The following MTMR10 variants were observed in gnomAD, a reference collection of about 807,000 sequenced individuals.
MTMR10 encodes the protein myotubularin-related protein 10.
Under a neutral mutation model 88.1 loss-of-function variants are expected in MTMR10, and 56 were observed. The observed-to-expected ratio is 0.64, with a 90% CI of 0.51 to 0.79. The LOEUF (loss-of-function observed/expected upper bound fraction) is 0.79. MTMR10 is among the 30% of genes least tolerant of loss of function. The pLI, the probability that MTMR10 is intolerant of heterozygous loss-of-function variation, is 0.00. For synonymous variants in MTMR10, 380 were observed against 340.9 expected (o/e 1.11, Z -1.26); for missense variants, 883 against 924.7 (o/e 0.95, Z 0.58).
chr15:30,990,615 G>C (rs2031250378), intron 2 of MTMR10, among the ~76,000 whole-genome samples, 162 bp downstream of exon 2: 1 of 152,178 alleles, frequency 6.6e-6, no homozygotes, highest in African/African-American at 2.4e-5. Flanking sequence ...ATGAGGTAAT[G>C]ACATTCTTGA....
In MTMR10 at chr15:30,980,903, T is replaced by A. The variant is rs545248402; in HGVS notation, c.122-3948A>T. 1.8e-3 allele frequency among the ~76,000 whole-genome samples: 272 copies of A among 152,318 alleles called. 2 individuals carry two copies. The highest frequency in any genetic ancestry group is 6.2e-3 in the African/African-American group (257 of 41,540). ...AAGTATCTGTGAATCCATACTGTTG[T>A]CAACAGATGACTGAATAATAAATAA... On this transcript the variant is annotated intron_variant, in intron 2 of 15. Transcript: ENST00000435680.
chr15:30,937,068 CT>C (rs1274258068), downstream of MTMR10: 1 of 1,501,882 alleles, frequency 6.7e-7, no homozygotes, highest in African/African-American at 1.4e-5. Flanking sequence ...ACTTGAATGG[CT>C]TTTCATTCAG....
rs1180931471 is a variant in MTMR10, at chr15:30,974,451, C to T, written c.337G>A (p.Asp113Asn). The T allele has an allele frequency of 6.6e-6, 10 of 1,506,616 alleles. No individual in the cohort carries two copies. Among genetic ancestry groups the T allele is most frequent in the African/African-American group, 1.4e-5 (1 of 70,534 alleles). 93.3% of individuals were successfully genotyped at this position (1,506,616 alleles called of 1,614,324 possible). A position where few individuals can be genotyped will look rare whatever the true frequency, so the allele number is the denominator to read the frequency against. The change falls in exon 5 of 16, where the codon GAC (aspartate) becomes AAC (asparagine). Residue 113 changes from aspartate to asparagine, a missense_variant. Asp to Asn is a conservative substitution (Grantham distance 23, BLOSUM62 1). Around this residue, in one of 3 missense-constraint regions of MTMR10, gnomAD observed 414 missense variants for 423.2 expected, o/e 0.98. Coordinates refer to ENST00000435680, the MANE Select transcript of MTMR10 (RefSeq NM_017762.3). Reference sequence around the variant, plus strand: ...AGGACTTTCTGCTTCCTCTTGTGGTCGTTTACTAAAAAAGAAAAAAAAATA... The same window carrying T: ...AGGACTTTCTGCTTCCTCTTGTGGTTGTTTACTAAAAAAGAAAAAAAAATA... Reference protein sequence around the residue: ...TCIEQIVTVNDHKRKQKVLGP... With the variant: ...TCIEQIVTVNNHKRKQKVLGP...
In MTMR10 at chr15:30,974,465, GA is replaced by G. The variant is rs768107913; in HGVS notation, c.332-10del. ...CCTCTTGTGGTCGTTTACTAAAAAA[GA>G]AAAAAAAATAGAGAAAATAAAATGC... On this transcript the variant is annotated splice_polypyrimidine_tract_variant and intron_variant, in intron 4 of 15. Transcript: ENST00000435680. 187 of 1,463,708 alleles carry G rather than the reference GA, an allele frequency of 1.3e-4. No homozygotes were observed. Among genetic ancestry groups the G allele is most frequent in the South Asian group, 4.4e-4 (30 of 67,496 alleles). 90.7% of individuals were successfully genotyped at this position (1,463,708 alleles called of 1,614,324 possible).
At position 30,941,552 on chromosome 15, in the gene MTMR10, C is replaced by T; in HGVS notation, c.2252G>A (p.Ser751Asn). The part of the protein sequence containing the change: ...FSPVGNLCRR[S>N]ILGTPLSKFL... ...TTTGCTTAATGGTGTTCCTAAAATG[C>T]TTCGTCTGCACAGATTCCCTACAGG... Residue 751 changes from serine (S) to asparagine (N), a missense_variant, in exon 16 of 16, where the codon AGC (serine) becomes AAC (asparagine). By Grantham distance (46) the Ser-to-Asn change is conservative. Coordinates refer to ENST00000435680, the MANE Select transcript of MTMR10 (RefSeq NM_017762.3). 1 of 1,604,790 alleles carries T rather than the reference C, an allele frequency of 6.2e-7. No homozygotes were observed.
the MTMR10 span, chr15:30,928,415 C>T: frequency 6.7e-7 from 1 of 1,487,788 alleles, no homozygotes; most frequent in Non-Finnish European, 8.9e-7. Flanking sequence ...ACAGCATTTG[C>T]TTCTGAATCT....
At position 30,940,261 on chromosome 15, in the gene MTMR10, A is replaced by T. The variant is rs1395751332; in HGVS notation, c.*1209T>A. ...CTACAGTGGTAGGTAGGCTCTTGTC[A>T]CACAGTTTGGAAATACTTTACTTTA... is the stretch of plus-strand genomic sequence containing the variant. On this transcript the variant is annotated 3_prime_UTR_variant, in exon 16 of 16. Transcript: ENST00000435680. The T allele has an allele frequency of 1.4e-5, 14 of 977,842 alleles. No homozygotes were observed. Among genetic ancestry groups the T allele is most frequent in the Non-Finnish European group, 1.7e-5 (14 of 825,878 alleles). 60.6% of individuals were successfully genotyped at this position (977,842 alleles called of 1,614,324 possible).
At chr15:30,947,371 T>C in intron 13 of MTMR10, 71 bp from the exon 14 acceptor site, 1 of 1,498,990 alleles carries the variant, frequency 6.7e-7, no homozygotes, top group Non-Finnish European at 9.0e-7. Flanking sequence ...CTTCAAAATG[T>C]ACTGCTGATG....
Position 30,940,957 on chromosome 15 carries a change from T to C in MTMR10, c.*513A>G. The C allele has an allele frequency of 2.1e-5, 23 of 1,094,718 alleles. No homozygotes were observed. Among genetic ancestry groups the C allele is most frequent in the Non-Finnish European group, 2.5e-5 (22 of 893,676 alleles). 67.8% of individuals were successfully genotyped at this position (1,094,718 alleles called of 1,614,324 possible). On this transcript the variant is annotated 3_prime_UTR_variant, in exon 16 of 16. Coordinates refer to ENST00000435680, the MANE Select transcript of MTMR10 (RefSeq NM_017762.3). ...ATCTAAGGTTCCAAAGAAGGTGATC[T>C]AAAATCATAAATTCTGGCCCCAGAA...
At position 30,963,879 on chromosome 15, in the gene MTMR10, AC is replaced by A. The variant is rs1393050278; in HGVS notation, c.566-2807del. ...CTATACAGTGTTCCAGTGCACCAAAACAAAGAAAGCTATTCAATATTAGAAA... is the reference window on the plus strand; with the variant it reads ...CTATACAGTGTTCCAGTGCACCAAAAAAAGAAAGCTATTCAATATTAGAAA... On this transcript the variant is annotated intron_variant, in intron 6 of 15. Coordinates refer to ENST00000435680, the MANE Select transcript of MTMR10 (RefSeq NM_017762.3). Among the ~76,000 whole-genome samples, 4 of 152,296 alleles carry A rather than the reference AC, an allele frequency of 2.6e-5. No homozygotes were observed. The East Asian group carries it at 5.8e-4, about 22-fold the overall frequency.
At chr15:30,990,881 C>G in intron 1 of MTMR10, 44 bp from the exon 2 acceptor site, 1 of 1,499,126 alleles carries the variant, frequency 6.7e-7, no homozygotes, top group Non-Finnish European at 9.1e-7. Context: ...AATCCCCCCA[C>G]CCTCCGTAAA....
chr15:30,936,675 T>C (rs1417082488), downstream of MTMR10, among the ~76,000 whole-genome samples: 1 of 152,218 alleles, frequency 6.6e-6, no homozygotes, highest in East Asian at 1.9e-4. Flanking sequence ...TGAAAATGCA[T>C]TTAACATATT....
rs1341566612 is a variant in MTMR10 at position 30,948,329 on chromosome 15, G to T, written c.1350C>A (p.Cys450Ter). 1 of 1,613,512 alleles carries T rather than the reference G, an allele frequency of 6.2e-7. No homozygotes were observed. The highest frequency in any genetic ancestry group is 8.5e-7 in the Non-Finnish European group (1 of 1,179,790). The change falls in exon 13 of 16, where the codon TGC (cysteine) becomes TGA (stop). Residue 450 changes from cysteine to a stop codon, truncating the protein, a stop_gained. Coordinates refer to ENST00000435680, the MANE Select transcript of MTMR10 (RefSeq NM_017762.3). LOFTEE classifies it high-confidence loss of function. ...CTTTCTCTGATCTCTTTAGATGGTTGCATCTGTCTAGAAACTGATATCCTG... is the reference window on the plus strand; with the variant it reads ...CTTTCTCTGATCTCTTTAGATGGTTTCATCTGTCTAGAAACTGATATCCTG... The part of the protein sequence containing the change: ...VMAGYQFLDR[C>*]NHLKRSEKES...
the MTMR10 span, among the ~76,000 whole-genome samples, chr15:30,929,576 T>TATA: frequency 7.8e-6 from 1 of 128,472 alleles, no homozygotes; most frequent in African/African-American, 2.9e-5. Context: ...TTTATTATAT[T>TATA]TATTATATTA....
At chr15:30,935,096 A>G (rs1216414003), downstream of MTMR10, among the ~76,000 whole-genome samples, 1 of 151,916 alleles carries the variant, frequency 6.6e-6, no homozygotes, top group Non-Finnish European at 1.5e-5. Context: ...GCTTGGGCTC[A>G]GGAGTTGGAG....
chr15:30,961,090 CATT>C lies in MTMR10; in HGVS notation c.566-20_566-18del. On this transcript the variant is annotated intron_variant, in intron 6 of 15. Transcript: ENST00000435680. ...TTTTGTTTGCTGTAGGAAAAAGCAACATTATGAATTTTAACAGTCACATTTTCC... is the reference window on the plus strand; with the variant it reads ...TTTTGTTTGCTGTAGGAAAAAGCAACATGAATTTTAACAGTCACATTTTCC... 1 of 1,537,986 alleles carries C rather than the reference CATT, an allele frequency of 6.5e-7. No homozygotes were observed. The highest frequency in any genetic ancestry group is 8.8e-7 in the Non-Finnish European group (1 of 1,141,150).
intron 4 of MTMR10, 127 bp downstream of exon 4, chr15:30,974,804 C>CA (rs2029989656): frequency 3.2e-6 from 2 of 621,100 alleles, no homozygotes; most frequent in Non-Finnish European, 2.5e-6. Flanking sequence ...TCCCGGGACT[C>CA]AAAAAAACGG....
At chr15:30,978,422 G>C (rs2030315489) in intron 2 of MTMR10, among the ~76,000 whole-genome samples, 1 of 152,138 alleles carries the variant, frequency 6.6e-6, no homozygotes, top group African/African-American at 2.4e-5. Flanking sequence ...ATGACACTTG[G>C]TTCTGTCCAC....
At chr15:30,980,123 G>C (rs372904026) in intron 2 of MTMR10, among the ~76,000 whole-genome samples, 2 of 152,214 alleles carry the variant, frequency 1.3e-5, no homozygotes, top group African/African-American at 4.8e-5. Context: ...AGACACAACT[G>C]GGCATGTCCC....
Sources: gnomAD v4.1 joint callset for allele counts (sites outside exome capture counted in the v4.1 genomes callset) on GRCh38, gnomAD v4.1.1 for gene constraint, gnomAD v4.1.1 regional missense constraint, MANE v1.5 for transcripts, NCBI Gene and HGNC (gene_info 2026-07-23, HGNC 2026-07-21) for gene names.